The following DNMT3A variants were observed in gnomAD, a reference collection of about 807,000 sequenced individuals.
The protein encoded by DNMT3A is DNA (cytosine-5)-methyltransferase 3A.
Under a neutral mutation model 117.6 loss-of-function variants are expected in DNMT3A, and 267 were observed. The observed-to-expected ratio is 2.27, with a 90% CI of 2.05 to 2.51. The LOEUF is 2.51. Ranked by LOEUF, DNMT3A falls within the 30% of genes most tolerant of loss-of-function variation. The pLI is 0.00. For missense variants in DNMT3A, 1,029 were observed against 1,260.2 expected (o/e 0.82, Z 2.78); for synonymous variants, 432 against 474.8 (o/e 0.91, Z 1.17).
chr2:25,291,948 G>C (rs911885997), intron 3 of DNMT3A, among the ~76,000 whole-genome samples: 1 of 152,176 alleles, frequency 6.6e-6, no homozygotes, highest in Non-Finnish European at 1.5e-5. Context: ...TGAGCTGGAG[G>C]CTCCCTTTAA....
At chr2:25,310,012 C>G (rs1170651447) in intron 2 of DNMT3A, among the ~76,000 whole-genome samples, 1 of 152,122 alleles carries the variant, frequency 6.6e-6, no homozygotes, top group African/African-American at 2.4e-5. Flanking sequence ...AACAAGATCA[C>G]GCCACTGCAC....
At chr2:25,332,917 G>A (rs2035069017) in intron 1 of DNMT3A, among the ~76,000 whole-genome samples, 1 of 152,260 alleles carries the variant, frequency 6.6e-6, no homozygotes, top group African/African-American at 2.4e-5. Context: ...TCCAGGCCGT[G>A]GGGCAGAGCC....
At chr2:25,314,306 C>A (rs987568428) in intron 1 of DNMT3A, 145 bp from the exon 2 acceptor site, 3 of 1,185,966 alleles carry the variant, frequency 2.5e-6, no homozygotes, top group Non-Finnish European at 3.1e-6. Context: ...AGCAGAGAAA[C>A]CGAGGCAGGC....
At position 25,244,281 on chromosome 2, in the gene DNMT3A, GGCTGCCTGGGCAGCCCCCGGCC is replaced by G; in HGVS notation, c.1703_1724del (p.Gly568AlafsTer76). 1 of 1,612,942 alleles carries G rather than the reference GGCTGCCTGGGCAGCCCCCGGCC, an allele frequency of 6.2e-7. No individual in the cohort carries two copies. Among genetic ancestry groups the G allele is most frequent in the Non-Finnish European group, 8.5e-7 (1 of 1,179,582 alleles). ...AGCAGTTCCAGGGGTCTTCCTTAAT[GGCTGCCTGGGCAGCCCCCGGCC>G]CCACCAAGAGGTCCACACACTCCAC... On this transcript the variant is annotated frameshift_variant, in exon 15 of 23. Transcript: ENST00000321117. LOFTEE classifies it high-confidence loss of function.
At chr2:25,308,082 G>A (rs2033879613) in intron 2 of DNMT3A, among the ~76,000 whole-genome samples, 1 of 152,134 alleles carries the variant, frequency 6.6e-6, no homozygotes, top group Non-Finnish European at 1.5e-5. Context: ...CCCACACTCT[G>A]TCCCCACCCA....
rs1363411956 is a variant in DNMT3A at position 25,246,065 on chromosome 2, C to A, written c.1430-1G>T. 1 of 1,614,206 alleles carries A rather than the reference C, an allele frequency of 6.2e-7. No homozygotes were observed. Among genetic ancestry groups the A allele is most frequent in the Non-Finnish European group, 8.5e-7 (1 of 1,180,028 alleles). On this transcript the variant is annotated splice_acceptor_variant, in intron 11 of 22. Transcript: ENST00000321117. LOFTEE classifies it high-confidence loss of function. ...TGCCGCACCTCGTACACCAGCCGCT[C>A]TGCAAGGGGAGGAGAGCTGGCGTCA...
At chr2:25,273,720 C>T (rs536427459) in intron 6 of DNMT3A, among the ~76,000 whole-genome samples, 1 of 152,298 alleles carries the variant, frequency 6.6e-6, no homozygotes, top group African/African-American at 2.4e-5. Flanking sequence ...CCCACCTCCC[C>T]GACCCCCACA....
rs372641017 is a variant in DNMT3A, at chr2:25,329,041, G to A, written c.-178+12785C>T. ...CAAAGGGTCTTCAGGGCTTGGGAGCGGCTGTTGGAGCTCGTCCCCCACCAC... is the reference window on the plus strand; with the variant it reads ...CAAAGGGTCTTCAGGGCTTGGGAGCAGCTGTTGGAGCTCGTCCCCCACCAC... On this transcript the variant is annotated intron_variant, in intron 1 of 22. Transcript: ENST00000321117. Among the ~76,000 whole-genome samples the A allele has an allele frequency of 5.7e-4, 87 of 152,298 alleles. No homozygotes were observed. In the South Asian group the frequency reaches 0.012, roughly 20 times the overall value.
At chr2:25,278,046 C>CACACAAACAG (rs2031598781) in intron 4 of DNMT3A, among the ~76,000 whole-genome samples, 1 of 132,234 alleles carries the variant, frequency 7.6e-6, no homozygotes, top group Non-Finnish European at 1.7e-5. Flanking sequence ...CACAGACACA[C>CACACAAACAG]ACGCTTTCCA....
In DNMT3A at chr2:25,327,794, C is replaced by T. The variant is rs1331106858; in HGVS notation, c.-177-13633G>A. Among the ~76,000 whole-genome samples, 5 of 152,148 alleles carry T rather than the reference C, an allele frequency of 3.3e-5. No individual in the cohort carries two copies. Among genetic ancestry groups the T allele is most frequent in the African/African-American group, 1.2e-4 (5 of 41,412 alleles). On this transcript the variant is annotated intron_variant, in intron 1 of 22. Coordinates refer to ENST00000321117, the MANE Select transcript of DNMT3A (RefSeq NM_022552.5). This position sits in a 1 kb window ranked among gnomAD's most constrained non-coding sequence, Gnocchi z 4.1. ...TTCCAGAACATGCTTCTTTCAGAGC[C>T]GGCTCTATTTTCTGGTTTTTCCCTC...
intron 6 of DNMT3A, among the ~76,000 whole-genome samples, chr2:25,262,882 G>A (rs998076415): frequency 1.3e-5 from 2 of 152,154 alleles, no homozygotes; most frequent in African/African-American, 4.8e-5. Context: ...AAACAACCCA[G>A]AAGTCATGCC....
intron 2 of DNMT3A, among the ~76,000 whole-genome samples, chr2:25,313,571 C>T (rs886542062): frequency 3.9e-5 from 6 of 152,160 alleles, no homozygotes; most frequent in African/African-American, 7.2e-5. Flanking sequence ...TGAAGGCCCA[C>T]GGCTAGTAAG....
Position 25,327,091 on chromosome 2 carries a change from G to A in DNMT3A, c.-177-12930C>T, listed in dbSNP as rs551701910. ...ATCAAGGTGTGGATCTCAACCCTGC[G>A]GGGCCTCTTCCTTGGGCACTCTGTG... On this transcript the variant is annotated intron_variant, in intron 1 of 22. Coordinates refer to ENST00000321117, the MANE Select transcript of DNMT3A (RefSeq NM_022552.5). The surrounding 1 kb of genome is among the most constrained non-coding windows in gnomAD (Gnocchi z 4.1). Among the ~76,000 whole-genome samples the A allele has an allele frequency of 4.0e-5, 6 of 150,182 alleles. No individual in the cohort carries two copies. The highest frequency in any genetic ancestry group is 2.0e-4 in the East Asian group (1 of 5,042).
At chr2:25,342,017 C>A, upstream of DNMT3A, 1 of 876,696 alleles carries the variant, frequency 1.1e-6, no homozygotes. The surrounding 1 kb of genome is among the most constrained non-coding windows in gnomAD (Gnocchi z 5.9). Flanking sequence ...CCTCCTCCGC[C>A]GGGTCCCCCC....
intron 1 of DNMT3A, chr2:25,314,579 C>G (rs1032852403): frequency 3.6e-5 from 35 of 985,238 alleles, no homozygotes; most frequent in Non-Finnish European, 4.2e-5. Context: ...CTGTCCTCAC[C>G]CCCACCCCCA....
At chr2:25,244,505 G>A (rs1489105943) in intron 14 of DNMT3A, 35 bp downstream of exon 14, 18 of 1,609,334 alleles carry the variant, frequency 1.1e-5, no homozygotes, top group Non-Finnish European at 1.4e-5. Context: ...CTGGGGCCCA[G>A]CTAAGGAGAC....
rs959653777 is a variant in DNMT3A, at chr2:25,230,494, G to C, written c.*3785C>G. On this transcript the variant is annotated 3_prime_UTR_variant, in exon 23 of 23. Transcript: ENST00000321117. Reference sequence around the variant, plus strand: ...TAAGGGGGAAATGGGCCTACTCTTCGGAAAGAAAATTCCACAGGGAATATG... The same window carrying C: ...TAAGGGGGAAATGGGCCTACTCTTCCGAAAGAAAATTCCACAGGGAATATG... 2 of 152,164 alleles carry C rather than the reference G, an allele frequency of 1.3e-5. No homozygotes were observed. Among genetic ancestry groups the C allele is most frequent in the African/African-American group, 2.4e-5 (1 of 41,416 alleles). The allele number at this position is 152,164 out of a possible 1,614,324, so 9.4% of individuals were successfully genotyped here.
intron 3 of DNMT3A, among the ~76,000 whole-genome samples, chr2:25,291,968 A>G (rs1660067322): frequency 6.6e-6 from 1 of 152,188 alleles, no homozygotes; most frequent in Non-Finnish European, 1.5e-5. Flanking sequence ...AAAAGCCATT[A>G]TGCTGGCTGG....
intron 1 of DNMT3A, among the ~76,000 whole-genome samples, chr2:25,326,108 ATGTGTGTGTGTGTGTGTGTG>A (rs61521265): frequency 1.7e-4 from 24 of 142,368 alleles, no homozygotes; most frequent in Middle Eastern, 3.6e-3. Flanking sequence ...CTTGATATAT[ATGTGTGTGTGTGTGTGTGTG>A]TGTGTGTGTG....
Sources: gnomAD v4.1 joint callset for allele counts (sites outside exome capture counted in the v4.1 genomes callset) on GRCh38, gnomAD v4.1.1 for gene constraint, Gnocchi (gnomAD v3.1) non-coding constraint, MANE v1.5 for transcripts, NCBI Gene and HGNC (gene_info 2026-07-23, HGNC 2026-07-21) for gene names.